Variants in NCL observed in about 807,000 individuals in gnomAD.
The protein encoded by NCL is nucleolin multifunctional protein.
Under a neutral mutation model 77.7 loss-of-function variants are expected in NCL, and 4 were observed. That is an observed-to-expected ratio of 0.05 (90% CI 0.03 to 0.12). The LOEUF (loss-of-function observed/expected upper bound fraction) is 0.12, where lower values mean the gene tolerates loss of function less well. NCL is among the 10% of genes least tolerant of loss of function. The pLI is 1.00. For synonymous variants in NCL, 344 were observed against 297.8 expected (o/e 1.16, Z -1.60); for missense variants, 763 against 860.9 (o/e 0.89, Z 1.42).
At chr2:231,464,182 C>A in intron 1 of NCL, 154 bp downstream of exon 1, 1 of 1,438,480 alleles carries the variant, frequency 7.0e-7, no homozygotes, top group Non-Finnish European at 9.2e-7. Context: ...TAGCCAGAAG[C>A]CGCGAGACCT....
At chr2:231,460,447 C>T in intron 5 of NCL, 31 bp downstream of exon 5, 3 of 1,602,246 alleles carry the variant, frequency 1.9e-6, no homozygotes, top group Non-Finnish European at 2.6e-6. Flanking sequence ...TGCTGTTTAT[C>T]TCCCCCATAT....
At position 231,460,706 on chromosome 2, in the gene NCL, A is replaced by ATCATCATCATCT. The variant is rs764623088; in HGVS notation, c.762_773dup (p.Glu254_Asp257dup). 7.4e-5 allele frequency: 100 copies of ATCATCATCATCT among 1,348,922 alleles called. No individual in the cohort carries two copies. The highest frequency in any genetic ancestry group is 1.7e-4 in the Admixed American group (8 of 47,616). The allele number at this position is 1,348,922 out of a possible 1,614,324, so 83.6% of individuals were successfully genotyped here. ...CTTCTTCCTCCTCCTCATCATCTTC[A>ATCATCATCATCT]TCATCATCATCTTCATCATCTTCGT... is the stretch of plus-strand genomic sequence containing the variant. On this transcript the variant is annotated inframe_insertion, in exon 4 of 14. Transcript: ENST00000322723.
chr2:231,461,586 A>G lies in NCL; in HGVS notation c.567T>C (p.Asp189=), dbSNP rs1470908315. ...CATCCTCATCATCTTCGTCATCCTCATCGTCCTCATCCTCTGAGGCAGGGG... is the reference window on the plus strand; with the variant it reads ...CATCCTCATCATCTTCGTCATCCTCGTCGTCCTCATCCTCTGAGGCAGGGG... ...AAAPASEDED[D]EDDEDDEDDD... is the part of the protein sequence containing the mutation. Residue 189 remains aspartate (D), a synonymous_variant, in exon 3 of 14, where the codon GAT becomes GAC. Coordinates refer to ENST00000322723, the MANE Select transcript of NCL (RefSeq NM_005381.3). The G allele has an allele frequency of 6.2e-7, 1 of 1,611,834 alleles. No homozygotes were observed. The highest frequency in any genetic ancestry group is 1.3e-5 in the African/African-American group (1 of 74,964).
chr2:231,459,362 A>T (rs572004337), intron 6 of NCL, among the ~76,000 whole-genome samples: 29 of 152,254 alleles, frequency 1.9e-4, no homozygotes, highest in African/African-American at 7.0e-4. Context: ...TAAATTGCTT[A>T]TAAGAATTCA....
rs749292900 is a variant in NCL, at chr2:231,461,956, A to G, written c.197T>C (p.Val66Ala). 6.2e-7 allele frequency: 1 copy of G among 1,614,146 alleles called. No individual in the cohort carries two copies. The highest frequency in any genetic ancestry group is 1.7e-5 in the Admixed American group (1 of 60,026). Residue 66 changes from valine to alanine, a missense_variant, in exon 3 of 14, where the codon GTT becomes GCT. Val to Ala is a moderately conservative substitution (Grantham distance 64). Coordinates refer to ENST00000322723, the MANE Select transcript of NCL (RefSeq NM_005381.3). ...AACTGCAACCTTTTTTGTTGGGGAA[A>G]CGACCACCTTCTTTGCTGAGGTTGC... is the stretch of plus-strand genomic sequence containing the variant. ...AAATSAKKVV[V>A]SPTKKVAVAT...
At chr2:231,462,972 T>C (rs1458244135) in intron 2 of NCL, 2 of 507,098 alleles carry the variant, frequency 3.9e-6, no homozygotes, top group African/African-American at 3.9e-5. Context: ...CTCCAAGCCC[T>C]GCAGAGGAAC....
At chr2:231,462,573 G>GCTA (rs1198954319) in intron 2 of NCL, 8 of 515,380 alleles carry the variant, frequency 1.6e-5, no homozygotes, top group Non-Finnish European at 3.1e-5. Flanking sequence ...TCATCATTTA[G>GCTA]CTACATTAAA....
At chr2:231,458,139 G>T in intron 8 of NCL, 127 bp downstream of exon 8, 2 of 1,279,232 alleles carry the variant, frequency 1.6e-6, no homozygotes, top group Non-Finnish European at 2.1e-6. Flanking sequence ...GGTTACTGAG[G>T]CACAAACTTA....
At chr2:231,460,915 T>C in intron 3 of NCL, 49 bp from the exon 4 acceptor site, 1 of 1,417,992 alleles carries the variant, frequency 7.1e-7, no homozygotes, top group East Asian at 2.3e-5. Flanking sequence ...AAAACCAACA[T>C]CGGTTTTCAA....
chr2:231,455,404 C>T lies in NCL; in HGVS notation c.2053G>A (p.Gly685Arg). 2.5e-6 allele frequency: 4 copies of T among 1,614,054 alleles called. No homozygotes were observed. The highest frequency in any genetic ancestry group is 3.4e-6 in the Non-Finnish European group (4 of 1,180,028). ...GFGGRGRGGF[G>R]GRGGFRGGRG... ...TCATTATCTCTGCGTGCCTTACCTCCAAAGCCTCCCCGGCCTCTGCCACCA... is the reference window on the plus strand; with the variant it reads ...TCATTATCTCTGCGTGCCTTACCTCTAAAGCCTCCCCGGCCTCTGCCACCA... The change falls in exon 13 of 14, where the codon GGA becomes AGA. Residue 685 changes from glycine to arginine, a missense_variant. Gly to Arg is a moderately radical substitution (Grantham distance 125). Transcript: ENST00000322723.
intron 9 of NCL, 169 bp from the exon 10 acceptor site, chr2:231,457,293 G>A (rs781663144): frequency 1.1e-5 from 10 of 932,442 alleles, no homozygotes; most frequent in African/African-American, 1.6e-5. Context: ...TACCTAGTAC[G>A]TGTTGCAATG....
chr2:231,460,700 ATCT>A lies in NCL; in HGVS notation c.777_779del (p.Glu259del), dbSNP rs746082903. On this transcript the variant is annotated inframe_deletion, in exon 4 of 14. Transcript: ENST00000322723. ...CCTCCTCTTCTTCCTCCTCCTCATCATCTTCATCATCATCATCTTCATCATCTT... is the reference window on the plus strand; with the variant it reads ...CCTCCTCTTCTTCCTCCTCCTCATCATCATCATCATCATCTTCATCATCTT... 1.9e-4 allele frequency: 304 copies of A among 1,604,702 alleles called. No homozygotes were observed. Among genetic ancestry groups the A allele is most frequent in the Non-Finnish European group, 2.3e-4 (272 of 1,173,168 alleles).
intron 6 of NCL, 113 bp from the exon 7 acceptor site, chr2:231,459,238 C>A: frequency 8.2e-7 from 1 of 1,214,302 alleles, no homozygotes; most frequent in Admixed American, 3.4e-5. Flanking sequence ...TTTTAAAAAG[C>A]ACCCCTAGTA....
chr2:231,456,763 A>G lies in NCL; in HGVS notation c.1573T>C (p.Tyr525His), dbSNP rs1362672592. ...PQNQNGKSKG[Y>H]AFIEFASFED... ...AATGAAGCAAACTCTATAAATGCATACCTGAGGATGAACAGTTAATGCTTA... is the reference window on the plus strand; with the variant it reads ...AATGAAGCAAACTCTATAAATGCATGCCTGAGGATGAACAGTTAATGCTTA... The change falls in exon 11 of 14, where the codon TAT (tyrosine) becomes CAT (histidine). Residue 525 changes from tyrosine to histidine, a missense_variant and splice_region_variant. Tyr to His is a moderately conservative substitution (Grantham distance 83, BLOSUM62 2). Transcript: ENST00000322723. 7 of 1,613,986 alleles carry G rather than the reference A, an allele frequency of 4.3e-6. No homozygotes were observed. The highest frequency in any genetic ancestry group is 5.9e-6 in the Non-Finnish European group (7 of 1,180,022).
At position 231,463,186 on chromosome 2, in the gene NCL, T is replaced by G. The variant is rs771956127; in HGVS notation, c.135+14A>C. 5.2e-6 allele frequency: 8 copies of G among 1,528,594 alleles called. No individual in the cohort carries two copies. In the Admixed American group the frequency reaches 5.9e-5, roughly 11 times the overall value. 94.7% of individuals were successfully genotyped at this position (1,528,594 alleles called of 1,614,324 possible). The stretch of plus-strand genomic sequence containing the variant: ...AGTTTTAACATAATTCTGCATTAAG[T>G]TGGATAAAATTACCTCTTCTCCACT... On this transcript the variant is annotated intron_variant, in intron 2 of 13. Transcript: ENST00000322723.
At chr2:231,458,439 G>A in intron 7 of NCL, 50 bp from the exon 8 acceptor site, 1 of 1,593,560 alleles carries the variant, frequency 6.3e-7, no homozygotes, top group Non-Finnish European at 8.5e-7. Context: ...AACCAAAGGT[G>A]GGGGGCAACA....
At chr2:231,455,797 C>A in intron 12 of NCL, 173 bp from the exon 13 acceptor site, 1 of 1,138,768 alleles carries the variant, frequency 8.8e-7, no homozygotes, top group Non-Finnish European at 1.3e-6. Context: ...AGCTTGAACC[C>A]CAGAATGTCT....
rs775294495 is a variant in NCL at position 231,461,587 on chromosome 2, T to C, written c.566A>G (p.Asp189Gly). ...ATCCTCATCATCTTCGTCATCCTCA[T>C]CGTCCTCATCCTCTGAGGCAGGGGC... ...AAAPASEDEDDEDDEDDEDDD... is the reference protein window; with the variant it reads ...AAAPASEDEDGEDDEDDEDDD... Residue 189 changes from aspartate (D) to glycine (G), a missense_variant, in exon 3 of 14, where the codon GAT (aspartate) becomes GGT (glycine). Coordinates refer to ENST00000322723, the MANE Select transcript of NCL (RefSeq NM_005381.3). The C allele has an allele frequency of 6.2e-7, 1 of 1,611,762 alleles. No homozygotes were observed. Among genetic ancestry groups the C allele is most frequent in the Admixed American group, 1.7e-5 (1 of 60,026 alleles).
chr2:231,458,186 TCAAAC>T (rs1220030166), intron 8 of NCL, 75 bp downstream of exon 8: 5 of 1,550,676 alleles, frequency 3.2e-6, no homozygotes, highest in Non-Finnish European at 3.5e-6. Context: ...CCTAAGGAAA[TCAAAC>T]CAATATTTCT....
Sources: allele counts gnomAD v4.1 joint callset (sites outside exome capture counted in the v4.1 genomes callset), GRCh38; gene constraint gnomAD v4.1.1; transcripts MANE v1.5; gene names NCBI Gene and HGNC (gene_info 2026-07-23, HGNC 2026-07-21).